Variants in SDK1 observed in about 807,000 individuals in gnomAD.
The protein encoded by SDK1 is protein sidekick-1.
A neutral mutation model predicts 245.5 loss-of-function variants in SDK1; 157 were observed. That is an observed-to-expected ratio of 0.64 (90% CI 0.56 to 0.73). The LOEUF is 0.73. SDK1 is among the 30% of genes least tolerant of loss of function. SDK1 has a pLI of 0.00. For synonymous variants in SDK1, 1,647 were observed against 1,278.5 expected (o/e 1.29, Z -6.15); for missense variants, 3,583 against 3,002.3 (o/e 1.19, Z -4.52).
chr7:4,193,214 A>C (rs1044524332), intron 35 of SDK1, among the ~76,000 whole-genome samples: 3 of 135,196 alleles, frequency 2.2e-5, no homozygotes, highest in African/African-American at 8.4e-5. Context: ...ATATTAATAT[A>C]TATATTGTAT....
intron 5 of SDK1, among the ~76,000 whole-genome samples, chr7:3,940,396 A>T (rs1310142907): frequency 6.6e-6 from 1 of 152,030 alleles, no homozygotes; most frequent in East Asian, 1.9e-4. Context: ...GCATCTTAAA[A>T]CTCGAGCAGA....
chr7:3,439,157 T>G (rs1225896153), intron 1 of SDK1, among the ~76,000 whole-genome samples: 1 of 152,142 alleles, frequency 6.6e-6, no homozygotes, highest in Non-Finnish European at 1.5e-5. Context: ...CCGGCCCCCC[T>G]TTCTATTAAT....
chr7:3,515,117 G>C (rs1467108226), intron 1 of SDK1, among the ~76,000 whole-genome samples: 3 of 152,048 alleles, frequency 2.0e-5, no homozygotes, highest in Non-Finnish European at 2.9e-5. Flanking sequence ...GGCTGGTCTT[G>C]GTGGGGAGGA....
At chr7:3,952,169 C>G in intron 7 of SDK1, 1 of 506,806 alleles carries the variant, frequency 2.0e-6, no homozygotes, top group South Asian at 2.4e-5. Context: ...TCACAAAGCT[C>G]GGGAAATAGA....
At position 4,208,277 on chromosome 7, in the gene SDK1, A is replaced by C; in HGVS notation, c.5393A>C (p.His1798Pro). 11 of 1,612,406 alleles carry C rather than the reference A, an allele frequency of 6.8e-6. No individual in the cohort carries two copies. The highest frequency in any genetic ancestry group is 8.5e-6 in the Non-Finnish European group (10 of 1,179,442). The change falls in exon 37 of 45, where the codon CAC (histidine) becomes CCC (proline). Residue 1798 changes from histidine to proline, a missense_variant. Physicochemically the swap from His to Pro is moderately conservative, Grantham distance 77. Coordinates refer to ENST00000404826, the MANE Select transcript of SDK1 (RefSeq NM_152744.4). Reference protein sequence around the residue: ...PKSDPQQGRTHQAAPGAPSFL... With the variant: ...PKSDPQQGRTPQAAPGAPSFL... ...AGTGACCCCCAGCAGGGGCGCACCC[A>C]CCAGGCCGGTAGGAGGAAGGCGGGT...
chr7:3,565,592 C>G (rs191989426), intron 1 of SDK1, among the ~76,000 whole-genome samples: 1 of 152,168 alleles, frequency 6.6e-6, no homozygotes, highest in African/African-American at 2.4e-5. Flanking sequence ...TGTGTATAAA[C>G]AGTCATCTCT....
chr7:3,793,488 C>G (rs957782276), intron 4 of SDK1, among the ~76,000 whole-genome samples: 1 of 152,112 alleles, frequency 6.6e-6, no homozygotes, highest in African/African-American at 2.4e-5. Context: ...AAGGCTTCCT[C>G]GTGCCTTAGA....
intron 19 of SDK1, among the ~76,000 whole-genome samples, chr7:4,065,810 T>C (rs1050345387): frequency 4.7e-5 from 7 of 149,060 alleles, no homozygotes; most frequent in African/African-American, 1.5e-4. Context: ...CGGTATGGAA[T>C]TCACCCTAAA....
chr7:4,080,284 C>A (rs141332094), intron 22 of SDK1, among the ~76,000 whole-genome samples: 2 of 151,984 alleles, frequency 1.3e-5, no homozygotes, highest in African/African-American at 4.8e-5. Context: ...TGCTGGAGCA[C>A]GCAGGGGTCC....
chr7:3,718,011 A>G (rs948428242), intron 4 of SDK1, among the ~76,000 whole-genome samples: 1 of 152,160 alleles, frequency 6.6e-6, no homozygotes, highest in Non-Finnish European at 1.5e-5. Flanking sequence ...AGGTGCAAAA[A>G]TTCTCAACAC....
intron 25 of SDK1, among the ~76,000 whole-genome samples, chr7:4,117,789 C>T (rs750845310): frequency 1.3e-5 from 2 of 152,170 alleles, no homozygotes; most frequent in Non-Finnish European, 2.9e-5. Context: ...TGAGAGTCAG[C>T]TTTGAATCTG....
chr7:3,625,618 T>G (rs939080025), intron 2 of SDK1, among the ~76,000 whole-genome samples: 2 of 152,252 alleles, frequency 1.3e-5, no homozygotes, highest in African/African-American at 2.4e-5. Flanking sequence ...TGGAGTCTTA[T>G]GAAATGCATC....
At chr7:3,756,682 C>T (rs1406904869) in intron 4 of SDK1, among the ~76,000 whole-genome samples, 1 of 152,098 alleles carries the variant, frequency 6.6e-6, no homozygotes, top group African/African-American at 2.4e-5. Context: ...TGGTCTCCTC[C>T]AATCTGTGAC....
At chr7:4,013,566 C>G (rs746230501) in intron 16 of SDK1, among the ~76,000 whole-genome samples, 2 of 152,192 alleles carry the variant, frequency 1.3e-5, no homozygotes, top group Non-Finnish European at 2.9e-5. Context: ...GCTTCATTAT[C>G]CTTGTGTATG....
At chr7:4,062,852 A>G (rs1275645109) in intron 19 of SDK1, among the ~76,000 whole-genome samples, 1 of 152,174 alleles carries the variant, frequency 6.6e-6, no homozygotes, top group Non-Finnish European at 1.5e-5. Flanking sequence ...AAAAGACAAA[A>G]ACCATGTGAT....
rs1486926440 is a variant in SDK1, at chr7:4,074,856, T to TACTTTCTCTCTCTCTCTCTCTCTC, written c.3011-2142_3011-2141insACTTTCTCTCTCTCTCTCTCTCTC. Reference sequence around the variant, plus strand: ...CCAGCCTGGGCAACAGAGCAAGACTTTCTCTCTCTCTCTCTCTCTCTCTCT... The same window carrying TACTTTCTCTCTCTCTCTCTCTCTC: ...CCAGCCTGGGCAACAGAGCAAGACTTACTTTCTCTCTCTCTCTCTCTCTCTCTCTCTCTCTCTCTCTCTCTCTCT... On this transcript the variant is annotated intron_variant, in intron 20 of 44. Coordinates refer to ENST00000404826, the MANE Select transcript of SDK1 (RefSeq NM_152744.4). 4.9e-3 allele frequency among the ~76,000 whole-genome samples: 353 copies of TACTTTCTCTCTCTCTCTCTCTCTC among 72,124 alleles called. 26 individuals carry two copies. Among genetic ancestry groups the TACTTTCTCTCTCTCTCTCTCTCTC allele is most frequent in the African/African-American group, 9.1e-3 (95 of 10,476 alleles). The allele number at this position is 72,124 out of a possible 152,430, so 47.3% of individuals were successfully genotyped here.
At chr7:3,961,954 C>T (rs770888002) in intron 8 of SDK1, among the ~76,000 whole-genome samples, 5 of 151,924 alleles carry the variant, frequency 3.3e-5, no homozygotes, top group Admixed American at 6.6e-5. Flanking sequence ...CACATGTATA[C>T]GCATACACAC....
chr7:3,472,536 A>G lies in SDK1; in HGVS notation c.299-146544A>G, dbSNP rs183548096. Among the ~76,000 whole-genome samples, 8 of 152,368 alleles carry G rather than the reference A, an allele frequency of 5.3e-5. No individual in the cohort carries two copies. In the East Asian group the frequency reaches 1.5e-3, roughly 29 times the overall value. On this transcript the variant is annotated intron_variant, in intron 1 of 44. Coordinates refer to ENST00000404826, the MANE Select transcript of SDK1 (RefSeq NM_152744.4). ...AAATTTATGAGATTATTATGGGTGT[A>G]TCTTAATAGAATAATTATAACTGAT...
chr7:3,500,250 A>G (rs1782155108), intron 1 of SDK1, among the ~76,000 whole-genome samples: 3 of 152,064 alleles, frequency 2.0e-5, no homozygotes, highest in African/African-American at 7.2e-5. Context: ...TCTTATTTGT[A>G]CTGAGTCTCC....
Sources: allele counts gnomAD v4.1 joint callset (sites outside exome capture counted in the v4.1 genomes callset), GRCh38; gene constraint gnomAD v4.1.1; transcripts MANE v1.5; gene names NCBI Gene and HGNC (gene_info 2026-07-23, HGNC 2026-07-21).